The following MYCBP2 variants were observed in gnomAD, a reference collection of about 807,000 sequenced individuals.
MYCBP2 encodes MYC binding protein 2.
Under a neutral mutation model 525.3 loss-of-function variants are expected in MYCBP2, and 120 were observed. The ratio of observed to expected loss-of-function variants is 0.23; its 90% CI spans 0.20 to 0.27. The LOEUF is 0.27. Among genes scored for constraint, MYCBP2 ranks in the 10% least tolerant of loss-of-function variants. MYCBP2 has a pLI of 1.00. For missense variants in MYCBP2, 4,149 were observed against 5,657.1 expected (o/e 0.73, Z 8.55); for synonymous variants, 1,894 against 1,955.8 (o/e 0.97, Z 0.83).
At chr13:77,187,834 CA>C (rs2060877598) in intron 30 of MYCBP2, among the ~76,000 whole-genome samples, 1 of 151,720 alleles carries the variant, frequency 6.6e-6, no homozygotes, top group South Asian at 2.1e-4. Context: ...GTCATGAGGT[CA>C]GGGGTTCGAG....
In MYCBP2 at chr13:77,273,458, T is replaced by A; in HGVS notation, c.945+14A>T. ...CATCTTATAAACTTCTAAGCAGATA[T>A]AAATATGAAATACCTGAATAGTTTG... On this transcript the variant is annotated intron_variant, in intron 5 of 82. Coordinates refer to ENST00000544440, the MANE Select transcript of MYCBP2 (RefSeq NM_015057.5). The A allele has an allele frequency of 1.3e-6, 2 of 1,555,652 alleles. No homozygotes were observed. The highest frequency in any genetic ancestry group is 1.4e-5 in the African/African-American group (1 of 72,524).
chr13:77,131,400 T>G (rs2052769388), intron 52 of MYCBP2, among the ~76,000 whole-genome samples: 1 of 151,810 alleles, frequency 6.6e-6, no homozygotes, highest in South Asian at 2.1e-4. Flanking sequence ...ATGCCTGTAG[T>G]CACAGCTACG....
chr13:77,255,187 A>T (rs566091790), intron 14 of MYCBP2, among the ~76,000 whole-genome samples: 2 of 151,976 alleles, frequency 1.3e-5, no homozygotes, highest in South Asian at 4.1e-4. Context: ...CGAATGAAAA[A>T]TCTATGTTTT....
chr13:77,064,799 T>A (rs1484022613), intron 72 of MYCBP2, 65 bp from the exon 73 acceptor site: 17 of 1,409,572 alleles, frequency 1.2e-5, no homozygotes, highest in Non-Finnish European at 1.6e-5. Flanking sequence ...AAACTCTTTT[T>A]TCTTAAATAA....
At chr13:77,153,676 T>G (rs566829386) in intron 46 of MYCBP2, among the ~76,000 whole-genome samples, 123 of 152,136 alleles carry the variant, frequency 8.1e-4, no homozygotes, top group Non-Finnish European at 1.4e-3. Context: ...CAAACTGTGT[T>G]ACTTAAAAAA....
chr13:77,093,073 T>C, intron 59 of MYCBP2, 92 bp downstream of exon 59: 1 of 1,259,944 alleles, frequency 7.9e-7, no homozygotes, highest in African/African-American at 1.5e-5. Flanking sequence ...CTCACAGATG[T>C]ATTAAAGAAC....
Position 77,222,544 on chromosome 13 carries a change from GTA to G in MYCBP2, c.2939+1905_2939+1906del, listed in dbSNP as rs1344545106. Reference sequence around the variant, plus strand: ...ATCTGACCCTGCCTCAGCTCGAAGGGTAGAGAGTGGTTCTCATCCTGGATACA... The same window carrying G: ...ATCTGACCCTGCCTCAGCTCGAAGGGGAGAGTGGTTCTCATCCTGGATACA... On this transcript the variant is annotated intron_variant, in intron 20 of 82. Coordinates refer to ENST00000544440, the MANE Select transcript of MYCBP2 (RefSeq NM_015057.5). 3.3e-5 allele frequency among the ~76,000 whole-genome samples: 5 copies of G among 152,154 alleles called. No individual in the cohort carries two copies. In the South Asian group the frequency reaches 1.0e-3, roughly 32 times the overall value.
intron 2 of MYCBP2, among the ~76,000 whole-genome samples, chr13:77,295,050 G>GCAGCCT (rs1391353183): frequency 6.6e-6 from 1 of 152,188 alleles, no homozygotes; most frequent in African/African-American, 2.4e-5. Context: ...GGAGCTACTG[G>GCAGCCT]CAGCCTCAGC....
chr13:77,054,049 G>A (rs375460794), intron 80 of MYCBP2, among the ~76,000 whole-genome samples: 1 of 152,188 alleles, frequency 6.6e-6, no homozygotes, highest in South Asian at 2.1e-4. Flanking sequence ...GTTGATGGAA[G>A]TGAGATGGGG....
chr13:77,265,564 T>C (rs1490960559), intron 8 of MYCBP2, among the ~76,000 whole-genome samples: 1 of 152,176 alleles, frequency 6.6e-6, no homozygotes, highest in Non-Finnish European at 1.5e-5. Flanking sequence ...TAAACTATAC[T>C]GTAAGACAAG....
intron 15 of MYCBP2, among the ~76,000 whole-genome samples, chr13:77,250,512 A>G (rs1350402394): frequency 2.6e-5 from 4 of 152,238 alleles, no homozygotes; most frequent in Non-Finnish European, 4.4e-5. Context: ...TATAGTGGCT[A>G]TAACTAGCAA....
Position 77,191,670 on chromosome 13 carries a change from T to C in MYCBP2, c.4070+9A>G. The C allele has an allele frequency of 6.2e-7, 1 of 1,611,224 alleles. No individual in the cohort carries two copies. Among genetic ancestry groups the C allele is most frequent in the Non-Finnish European group, 8.5e-7 (1 of 1,179,052 alleles). On this transcript the variant is annotated intron_variant, in intron 28 of 82. Transcript: ENST00000544440. Reference sequence around the variant, plus strand: ...GTATTGCTTAAGTAACACTTGGGCATTTACTTACCCATCATCTGTGGTAAT... The same window carrying C: ...GTATTGCTTAAGTAACACTTGGGCACTTACTTACCCATCATCTGTGGTAAT...
chr13:77,243,720 A>G (rs2154317458), intron 16 of MYCBP2, 86 bp downstream of exon 16: 1 of 1,169,624 alleles, frequency 8.5e-7, no homozygotes, highest in East Asian at 2.7e-5. Flanking sequence ...ATTTATTAAC[A>G]TATATCTAAA....
At chr13:77,232,180 A>G (rs1042906400) in intron 18 of MYCBP2, among the ~76,000 whole-genome samples, 3 of 152,192 alleles carry the variant, frequency 2.0e-5, no homozygotes, top group Non-Finnish European at 4.4e-5. Flanking sequence ...ATTGCCTATG[A>G]AATTTTTTTA....
intron 57 of MYCBP2, 145 bp from the exon 58 acceptor site, chr13:77,095,747 T>G (rs893320747): frequency 2.9e-6 from 3 of 1,019,176 alleles, no homozygotes; most frequent in African/African-American, 3.3e-5. Context: ...AAAACAACAT[T>G]CATTTCATAT....
chr13:77,180,860 C>T (rs1214856790), intron 33 of MYCBP2, among the ~76,000 whole-genome samples: 1 of 152,166 alleles, frequency 6.6e-6, no homozygotes, highest in Non-Finnish European at 1.5e-5. Context: ...GTTGAGGTTG[C>T]AGTAAACTGC....
rs1555465425 is a variant in MYCBP2, at chr13:77,294,104, C to CTATATATATATATATACA, written c.378+2494_378+2495insTGTATATATATATATATA. On this transcript the variant is annotated intron_variant, in intron 2 of 82. Coordinates refer to ENST00000544440, the MANE Select transcript of MYCBP2 (RefSeq NM_015057.5). ...GATAGCCATAAAGTAGATATAATGG[C>CTATATATATATATATACA]TATATATATATATATATATATATAT... Among the ~76,000 whole-genome samples the CTATATATATATATATACA allele has an allele frequency of 8.8e-3, 368 of 41,902 alleles. 15 individuals are homozygous for CTATATATATATATATACA. Among genetic ancestry groups the CTATATATATATATATACA allele is most frequent in the East Asian group, 0.052 (89 of 1,720 alleles). 27.5% of individuals were successfully genotyped at this position (41,902 alleles called of 152,430 possible).
intron 2 of MYCBP2, among the ~76,000 whole-genome samples, chr13:77,288,958 G>T (rs971924803): frequency 6.6e-6 from 1 of 152,086 alleles, no homozygotes; most frequent in Non-Finnish European, 1.5e-5. Context: ...CATGTGATTG[G>T]TAATTTGTTA....
chr13:77,122,936 T>A (rs2051010070), intron 54 of MYCBP2, among the ~76,000 whole-genome samples: 1 of 152,160 alleles, frequency 6.6e-6, no homozygotes, highest in Non-Finnish European at 1.5e-5. Flanking sequence ...AAAACACCCA[T>A]GAACAGTAAA....
Sources: gnomAD v4.1 joint callset for allele counts (sites outside exome capture counted in the v4.1 genomes callset) on GRCh38, gnomAD v4.1.1 for gene constraint, MANE v1.5 for transcripts, NCBI Gene and HGNC (gene_info 2026-07-23, HGNC 2026-07-21) for gene names.